MAPK10: variants seen among roughly 807,000 people sequenced by gnomAD.
MAPK10 encodes mitogen-activated protein kinase 10.
MAPK10 carries 25 observed loss-of-function variants against 59.3 expected under a neutral mutation model. The observed-to-expected ratio is 0.42, with a 90% CI of 0.31 to 0.59. The LOEUF is 0.59. Among genes scored for constraint, MAPK10 ranks in the 20% least tolerant of loss-of-function variants. The pLI is 0.15. For missense variants in MAPK10, 351 were observed against 568.9 expected (o/e 0.62, Z 3.90); for synonymous variants, 190 against 200.5 (o/e 0.95, Z 0.44).
At chr4:86,414,107 G>A (rs529643795) in intron 1 of MAPK10, among the ~76,000 whole-genome samples, 4 of 152,146 alleles carry the variant, frequency 2.6e-5, no homozygotes, top group Admixed American at 6.5e-5. Flanking sequence ...TTTGGTTCAG[G>A]TCCCCTAAAA....
chr4:86,262,517 T>C (rs1271294005), intron 2 of MAPK10, among the ~76,000 whole-genome samples: 1 of 152,188 alleles, frequency 6.6e-6, no homozygotes, highest in African/African-American at 2.4e-5. Flanking sequence ...AATAAGCATG[T>C]CAGGAGGTTT....
At chr4:86,566,803 C>T (rs979072174) in intron 1 of MAPK10, among the ~76,000 whole-genome samples, 1 of 152,100 alleles carries the variant, frequency 6.6e-6, no homozygotes, top group Non-Finnish European at 1.5e-5. Context: ...GATGCAGTGG[C>T]TCTCACCTAT....
At chr4:86,473,093 G>A (rs1445785448) in intron 1 of MAPK10, among the ~76,000 whole-genome samples, 1 of 152,090 alleles carries the variant, frequency 6.6e-6, no homozygotes, top group Non-Finnish European at 1.5e-5. Context: ...AATATTACCT[G>A]TTATTTTTCA....
At chr4:86,288,416 T>A (rs1002249768) in intron 2 of MAPK10, among the ~76,000 whole-genome samples, 6 of 148,030 alleles carry the variant, frequency 4.1e-5, no homozygotes, top group Non-Finnish European at 5.9e-5. Context: ...ACTCTTAGCA[T>A]TTTTTTAGCT....
chr4:86,133,285 T>C (rs2061341312), intron 4 of MAPK10, among the ~76,000 whole-genome samples: 1 of 152,202 alleles, frequency 6.6e-6, no homozygotes, highest in Non-Finnish European at 1.5e-5. Context: ...AAGGGTATTA[T>C]ATCAGAGAGC....
At chr4:86,585,448 T>C (rs986055315) in intron 1 of MAPK10, among the ~76,000 whole-genome samples, 2 of 152,218 alleles carry the variant, frequency 1.3e-5, no homozygotes, top group African/African-American at 2.4e-5. Flanking sequence ...TTTTGCATTA[T>C]GGAAAGTGTT....
At chr4:86,487,457 C>T (rs1321747204) in intron 1 of MAPK10, among the ~76,000 whole-genome samples, 3 of 151,682 alleles carry the variant, frequency 2.0e-5, no homozygotes, top group Non-Finnish European at 2.9e-5. Context: ...GGGCCGGGTG[C>T]GGTGGCTCAC....
intron 3 of MAPK10, chr4:86,193,891 CCTGA>C: frequency 5.9e-6 from 1 of 168,736 alleles, no homozygotes; most frequent in South Asian, 1.5e-4. Flanking sequence ...GGTGTAGACA[CCTGA>C]GGGAACCTGC....
In MAPK10 at chr4:86,267,557, G is replaced by T. The variant is rs149317137; in HGVS notation, c.-6-73150C>A. Among the ~76,000 whole-genome samples, 25 of 152,264 alleles carry T rather than the reference G, an allele frequency of 1.6e-4. No individual in the cohort carries two copies. The East Asian group carries it at 4.4e-3, about 27-fold the overall frequency. On this transcript the variant is annotated intron_variant, in intron 2 of 13. Transcript: ENST00000641462. The stretch of plus-strand genomic sequence containing the variant: ...CACAATGGTCTATAACATCTTAAAT[G>T]ATCTGTTCCCTGCCTCTCCTGGCCT...
At chr4:86,515,747 G>A (rs932862857) in intron 1 of MAPK10, among the ~76,000 whole-genome samples, 5 of 151,740 alleles carry the variant, frequency 3.3e-5, no homozygotes, top group African/African-American at 4.8e-5. Context: ...GTCCTTTGTC[G>A]GATGCATAGT....
chr4:86,342,129 G>A (rs181872907), intron 2 of MAPK10, among the ~76,000 whole-genome samples: 1 of 152,268 alleles, frequency 6.6e-6, no homozygotes, highest in Non-Finnish European at 1.5e-5. Context: ...CACATCAAAT[G>A]TTGTCCCATC....
At chr4:86,194,126 A>G in intron 3 of MAPK10, 1 of 537,446 alleles carries the variant, frequency 1.9e-6, no homozygotes, top group South Asian at 2.3e-5. Flanking sequence ...TCACGTGGAA[A>G]TGCAGAAATC....
intron 2 of MAPK10, among the ~76,000 whole-genome samples, chr4:86,226,278 C>A (rs1583171161): frequency 6.6e-6 from 1 of 152,134 alleles, no homozygotes; most frequent in South Asian, 2.1e-4. Context: ...ACTTGGGTAT[C>A]TAAATAGGCT....
intron 3 of MAPK10, among the ~76,000 whole-genome samples, chr4:86,175,582 CCT>C (rs941838149): frequency 3.3e-5 from 5 of 151,974 alleles, no homozygotes; most frequent in African/African-American, 9.7e-5. Flanking sequence ...ACACCTCCCT[CCT>C]CTCTCTCTTC....
At chr4:86,186,798 G>A (rs2149297164) in intron 3 of MAPK10, among the ~76,000 whole-genome samples, 1 of 152,242 alleles carries the variant, frequency 6.6e-6, no homozygotes, top group African/African-American at 2.4e-5. Context: ...AGTTAGAACT[G>A]TTTTAAAAAT....
chr4:86,085,318 A>T (rs2051549871), intron 9 of MAPK10, among the ~76,000 whole-genome samples: 1 of 152,198 alleles, frequency 6.6e-6, no homozygotes, highest in Non-Finnish European at 1.5e-5. Context: ...CAACCTACAG[A>T]ATGAGAGAAA....
chr4:86,247,327 C>G (rs928713418), intron 2 of MAPK10, among the ~76,000 whole-genome samples: 22 of 152,154 alleles, frequency 1.4e-4, no homozygotes, highest in African/African-American at 5.1e-4. Context: ...ATTTACAAAT[C>G]CTAAATAGTT....
intron 11 of MAPK10, among the ~76,000 whole-genome samples, chr4:86,035,918 G>C (rs2040198323): frequency 6.6e-6 from 1 of 152,192 alleles, no homozygotes; most frequent in Non-Finnish European, 1.5e-5. Flanking sequence ...AGTGATGTTT[G>C]TTGAAACTAT....
At chr4:86,550,899 G>A (rs1759725516) in intron 1 of MAPK10, among the ~76,000 whole-genome samples, 1 of 152,156 alleles carries the variant, frequency 6.6e-6, no homozygotes. Context: ...ACCCTGGCAG[G>A]GGAAGAATAG....
Sources: allele counts gnomAD v4.1 joint callset (sites outside exome capture counted in the v4.1 genomes callset), GRCh38; gene constraint gnomAD v4.1.1; transcripts MANE v1.5; gene names NCBI Gene and HGNC (gene_info 2026-07-23, HGNC 2026-07-21).